TIPIN: variants seen among roughly 807,000 people sequenced by gnomAD.
TIPIN encodes the protein TIMELESS interacting protein, also known as TIMELESS-interacting protein.
A neutral mutation model predicts 35.6 loss-of-function variants in TIPIN; 29 were observed. That is an observed-to-expected ratio of 0.82 (90% CI 0.61 to 1.11). TIPIN has a LOEUF of 1.11. Ranked by LOEUF, TIPIN falls within the 50% of genes most tolerant of loss-of-function variation. The pLI is 0.00. For missense variants in TIPIN, 296 were observed against 345.4 expected (o/e 0.86, Z 1.13); for synonymous variants, 102 against 121.5 (o/e 0.84, Z 1.06).
chr15:66,337,297 G>T, intron 7 of TIPIN, 116 bp from the exon 8 acceptor site: 31 of 612,300 alleles, frequency 5.1e-5, no homozygotes, highest in South Asian at 1.6e-4. Flanking sequence ...ATCACTTAAT[G>T]TTAATTATGA....
chr15:66,351,551 C>T lies in TIPIN; in HGVS notation c.262G>A (p.Ala88Thr), dbSNP rs1268020981. ...TCATGACCTTTACCTTTGAATTTTG[C>T]CTTATCAAATACATGCCTTAAGGCT... is the stretch of plus-strand genomic sequence containing the variant. ...LPALRHVFDK[A>T]KFKGKGHEAE... The change falls in exon 4 of 8, where the codon GCA becomes ACA. Residue 88 changes from alanine to threonine, a missense_variant. Physicochemically the swap from Ala to Thr is moderately conservative, Grantham distance 58. Coordinates refer to ENST00000261881, the MANE Select transcript of TIPIN (RefSeq NM_017858.3). 5.0e-6 allele frequency: 8 copies of T among 1,613,378 alleles called. No homozygotes were observed. Among genetic ancestry groups the T allele is most frequent in the African/African-American group, 1.3e-5 (1 of 74,882 alleles).
intron 1 of TIPIN, among the ~76,000 whole-genome samples, chr15:66,385,566 T>C (rs1259261432): frequency 6.6e-6 from 1 of 152,002 alleles, no homozygotes; most frequent in Non-Finnish European, 1.5e-5. Context: ...CTTGGATCAC[T>C]GCAACCTCCG....
chr15:66,354,229 C>A (rs2093188858), intron 1 of TIPIN, among the ~76,000 whole-genome samples: 1 of 152,186 alleles, frequency 6.6e-6, no homozygotes, highest in African/African-American at 2.4e-5. Flanking sequence ...CACTACTTCC[C>A]ATTTTACACT....
intron 1 of TIPIN, chr15:66,366,853 G>T: frequency 3.0e-6 from 3 of 985,008 alleles, no homozygotes; most frequent in Non-Finnish European, 3.6e-6. Flanking sequence ...TGTCCAAAAT[G>T]CAGGGAGAGA....
chr15:66,356,247 C>A (rs1177490432), intron 1 of TIPIN, among the ~76,000 whole-genome samples: 1 of 152,146 alleles, frequency 6.6e-6, no homozygotes, highest in Non-Finnish European at 1.5e-5. Context: ...TCGAACCTCC[C>A]ATACCTCTTC....
chr15:66,337,469 C>G (rs2093053006), intron 7 of TIPIN, among the ~76,000 whole-genome samples: 2 of 151,738 alleles, frequency 1.3e-5, no homozygotes, highest in South Asian at 4.2e-4. Flanking sequence ...TTACAGGTAC[C>G]CGCCACTACA....
chr15:66,386,167 C>T (rs1041639746), intron 1 of TIPIN, among the ~76,000 whole-genome samples: 2 of 152,190 alleles, frequency 1.3e-5, no homozygotes, highest in African/African-American at 4.8e-5. Context: ...CGGCGAGTGC[C>T]TGTAATCCCA....
At chr15:66,368,780 A>G (rs1296169904) in intron 1 of TIPIN, among the ~76,000 whole-genome samples, 1 of 152,180 alleles carries the variant, frequency 6.6e-6, no homozygotes, top group Non-Finnish European at 1.5e-5. Context: ...CATAATCAAG[A>G]CGTTTAATTA....
intron 1 of TIPIN, among the ~76,000 whole-genome samples, chr15:66,383,169 T>C (rs941929319): frequency 3.3e-5 from 5 of 152,198 alleles, no homozygotes; most frequent in African/African-American, 9.7e-5. Flanking sequence ...AATTAATTGC[T>C]CAAAGTCCTA....
At chr15:66,356,495 C>T in intron 1 of TIPIN, 144 bp downstream of exon 1, 1 of 627,242 alleles carries the variant, frequency 1.6e-6, no homozygotes, top group Non-Finnish European at 2.0e-6. Context: ...TCAGGTCGAC[C>T]CCCCAACCTC....
At chr15:66,368,599 G>A (rs1258845482) in intron 1 of TIPIN, among the ~76,000 whole-genome samples, 1 of 152,038 alleles carries the variant, frequency 6.6e-6, no homozygotes, top group African/African-American at 2.4e-5. Context: ...GCCAGTTTCT[G>A]TGTTAGGCCC....
chr15:66,383,617 G>A, intron 1 of TIPIN: 1 of 978,972 alleles, frequency 1.0e-6, no homozygotes, highest in Non-Finnish European at 1.2e-6. Context: ...TAAAAATTAT[G>A]CATGTTTAAC....
In TIPIN at chr15:66,349,116, A is replaced by G. The variant is rs2093149391; in HGVS notation, c.419T>C (p.Leu140Ser). 2 of 1,610,828 alleles carry G rather than the reference A, an allele frequency of 1.2e-6. No homozygotes were observed. The highest frequency in any genetic ancestry group is 2.7e-5 in the African/African-American group (2 of 74,862). Reference protein sequence around the residue: ...LGSKKEVQTCLKRIRLDLPIL... With the variant: ...LGSKKEVQTCSKRIRLDLPIL... ...AGGGAGATCAAGTCGAATTCGTTTT[A>G]AACAGGTCTGAAAATGAAAAGAGAT... The change falls in exon 6 of 8, where the codon TTA (leucine) becomes TCA (serine). Residue 140 changes from leucine to serine, a missense_variant. Leu to Ser is a moderately radical substitution (Grantham distance 145). Transcript: ENST00000261881.
chr15:66,356,205 C>T (rs961896546), intron 1 of TIPIN, among the ~76,000 whole-genome samples: 1 of 152,106 alleles, frequency 6.6e-6, no homozygotes, highest in Non-Finnish European at 1.5e-5. Context: ...CGTGCTGCCT[C>T]GATGTCCCCC....
intron 4 of TIPIN, among the ~76,000 whole-genome samples, chr15:66,350,213 C>T (rs62011721): frequency 0.058 from 8,755 of 151,876 alleles, 339 homozygotes; most frequent in Middle Eastern, 0.11. Context: ...ATCCGCCCAC[C>T]CTGGCCTCCC....
At chr15:66,357,818 T>A (rs1468622260), upstream of TIPIN, among the ~76,000 whole-genome samples, 1 of 151,996 alleles carries the variant, frequency 6.6e-6, no homozygotes, top group Non-Finnish European at 1.5e-5. Flanking sequence ...TAGCCGGGCG[T>A]GGTGGCGCGC....
intron 1 of TIPIN, among the ~76,000 whole-genome samples, chr15:66,381,454 A>C (rs1478543679): frequency 6.6e-6 from 1 of 152,084 alleles, no homozygotes; most frequent in Non-Finnish European, 1.5e-5. Context: ...ATTAAAAAAA[A>C]AGAATAGAGA....
intron 1 of TIPIN, among the ~76,000 whole-genome samples, chr15:66,377,655 G>A (rs1196575847): frequency 1.7e-5 from 2 of 119,356 alleles, no homozygotes; most frequent in South Asian, 3.4e-4. Context: ...GAGCCACAGC[G>A]CCTGGGTTTT....
At chr15:66,359,590 C>A (rs1436948972), upstream of TIPIN, among the ~76,000 whole-genome samples, 1 of 152,108 alleles carries the variant, frequency 6.6e-6, no homozygotes, top group Non-Finnish European at 1.5e-5. Context: ...CTCAAGTGAT[C>A]CATCCACCTC....
Sources: gnomAD v4.1 joint callset for allele counts (sites outside exome capture counted in the v4.1 genomes callset) on GRCh38, gnomAD v4.1.1 for gene constraint, MANE v1.5 for transcripts, NCBI Gene and HGNC (gene_info 2026-07-23, HGNC 2026-07-21) for gene names.